IFIH1: variants seen among roughly 807,000 people sequenced by gnomAD.
IFIH1 encodes interferon-induced helicase C domain-containing protein 1.
A neutral mutation model predicts 107.4 loss-of-function variants in IFIH1; 125 were observed. The ratio of observed to expected loss-of-function variants is 1.16; its 90% CI spans 1.01 to 1.35. The LOEUF (loss-of-function observed/expected upper bound fraction) is 1.35, where lower values mean the gene tolerates loss of function less well. IFIH1 is among the 40% of genes most tolerant of loss of function. The pLI, the probability that IFIH1 is intolerant of heterozygous loss-of-function variation, is 0.00. For missense variants in IFIH1, 1,333 were observed against 1,213.7 expected (o/e 1.10, Z -1.46); for synonymous variants, 458 against 413.2 (o/e 1.11, Z -1.31).
At chr2:162,276,586 C>T (rs2105196284) in intron 11 of IFIH1, 101 bp downstream of exon 11, 1 of 1,291,856 alleles carries the variant, frequency 7.7e-7, no homozygotes, top group Non-Finnish European at 1.1e-6. Context: ...GCCTGAGTGA[C>T]AGAGCGAGGC....
In IFIH1 at chr2:162,267,286, T is replaced by G; in HGVS notation, c.2992A>C (p.Lys998Gln). Residue 998 changes from lysine (K) to glutamine (Q), a missense_variant, in exon 16 of 16, where the codon AAA (lysine) becomes CAA (glutamine). Coordinates refer to ENST00000649979, the MANE Select transcript of IFIH1 (RefSeq NM_022168.4). ...VVVFKNNSTK[K>Q]QYKKWVELPI... is the part of the protein sequence containing the mutation. ...AATTCTACCCACTTTTTGTATTGTT[T>G]CTTTGTTGAATTATTTTTGAAAACC... The G allele has an allele frequency of 6.2e-7, 1 of 1,612,454 alleles. No individual in the cohort carries two copies. The highest frequency in any genetic ancestry group is 8.5e-7 in the Non-Finnish European group (1 of 1,179,532).
intron 5 of IFIH1, among the ~76,000 whole-genome samples, chr2:162,284,364 AC>A (rs1325923467): frequency 1.1e-4 from 17 of 151,996 alleles, no homozygotes; most frequent in Non-Finnish European, 1.9e-4. Flanking sequence ...TGTACCTTGG[AC>A]AAGGTCTCAA....
At position 162,306,769 on chromosome 2, in the gene IFIH1, C is replaced by A; in HGVS notation, c.709G>T (p.Val237Phe). 1.9e-6 allele frequency: 3 copies of A among 1,613,938 alleles called. No individual in the cohort carries two copies. Among genetic ancestry groups the A allele is most frequent in the South Asian group, 1.1e-5 (1 of 91,076 alleles). Reference protein sequence around the residue: ...TTVQPNLEKEVWGMENNSSES... With the variant: ...TTVQPNLEKEFWGMENNSSES... Reference sequence around the variant, plus strand: ...GATGAGTTATTCTCCATGCCCCAGACCTCCTTCTCCAGATTTGGCTGAACT... The same window carrying A: ...GATGAGTTATTCTCCATGCCCCAGAACTCCTTCTCCAGATTTGGCTGAACT... Residue 237 changes from valine to phenylalanine, a missense_variant, in exon 3 of 16, where the codon GTC becomes TTC. Val to Phe is a conservative substitution (Grantham distance 50). Transcript: ENST00000649979.
rs1195612197 is a variant in IFIH1, at chr2:162,276,823, A to G, written c.2168T>C (p.Ile723Thr). ...TRTEESARGI[I>T]FTKTRQSAYA... ...TGCACTCTGTCGTGTTTTTGTAAAG[A>G]TTATTCCTCGTGCTGATTCCTCAGT... Residue 723 changes from isoleucine to threonine, a missense_variant, in exon 11 of 16, where the codon ATC becomes ACC. Coordinates refer to ENST00000649979, the MANE Select transcript of IFIH1 (RefSeq NM_022168.4). The G allele has an allele frequency of 6.2e-7, 1 of 1,613,876 alleles. No individual in the cohort carries two copies. Among genetic ancestry groups the G allele is most frequent in the Non-Finnish European group, 8.5e-7 (1 of 1,179,924 alleles).
intron 3 of IFIH1, among the ~76,000 whole-genome samples, chr2:162,295,787 A>G (rs1021577121): frequency 2.0e-5 from 3 of 151,960 alleles, no homozygotes; most frequent in Non-Finnish European, 4.4e-5. Flanking sequence ...CGAATGTGGG[A>G]TAGAACTGTC....
intron 11 of IFIH1, among the ~76,000 whole-genome samples, chr2:162,276,173 C>T (rs1159064721): frequency 6.6e-6 from 1 of 152,116 alleles, no homozygotes; most frequent in African/African-American, 2.4e-5. Flanking sequence ...CTCTCAAAAA[C>T]CACAGATTTG....
Position 162,277,338 on chromosome 2 carries a change from G to A in IFIH1, c.2044+77C>T, listed in dbSNP as rs562686673. On this transcript the variant is annotated intron_variant, in intron 10 of 15. Transcript: ENST00000649979. ...CTTTCAAAAGATATTTCTCTTTTTG[G>A]AGAGCTTATGAGAAGCAGTAAGTTC... 5.1e-5 allele frequency: 51 copies of A among 1,004,886 alleles called. 1 individual carries two copies. The South Asian group carries it at 8.2e-4, about 16-fold the overall frequency. 62.2% of individuals were successfully genotyped at this position (1,004,886 alleles called of 1,614,324 possible). A position where few individuals can be genotyped will look rare whatever the true frequency, so the allele number is the denominator to read the frequency against.
chr2:162,310,479 TG>T, intron 2 of IFIH1: 2 of 490,714 alleles, frequency 4.1e-6, no homozygotes, highest in East Asian at 6.4e-5. Flanking sequence ...GTATATTTAA[TG>T]TTACATAATC....
At position 162,276,686 on chromosome 2, in the gene IFIH1, C is replaced by A. The variant is rs762865950; in HGVS notation, c.2304+1G>T. ...GAAGTCGTCCAAAAGGATATTTATA[C>A]CTGTGTCATGGGTTTGAACTCACTG... On this transcript the variant is annotated splice_donor_variant, in intron 11 of 15. Coordinates refer to ENST00000649979, the MANE Select transcript of IFIH1 (RefSeq NM_022168.4). LOFTEE classifies it high-confidence loss of function. 3 of 1,606,092 alleles carry A rather than the reference C, an allele frequency of 1.9e-6. No homozygotes were observed. Among genetic ancestry groups the A allele is most frequent in the South Asian group, 1.1e-5 (1 of 89,486 alleles).
intron 1 of IFIH1, among the ~76,000 whole-genome samples, chr2:162,314,724 G>A (rs963258897): frequency 6.6e-6 from 1 of 151,804 alleles, no homozygotes; most frequent in Admixed American, 6.6e-5. Context: ...TCCTGACCTC[G>A]AGAGCCACCC....
Position 162,281,378 on chromosome 2 carries a change from C to T in IFIH1, c.1474G>A (p.Gly492Ser). 2 of 1,612,714 alleles carry T rather than the reference C, an allele frequency of 1.2e-6. No homozygotes were observed. Among genetic ancestry groups the T allele is most frequent in the Non-Finnish European group, 1.7e-6 (2 of 1,179,132 alleles). Residue 492 changes from glycine to serine, a missense_variant, in exon 7 of 16, where the codon GGT (glycine) becomes AGT (serine). By Grantham distance (56) the Gly-to-Ser change is moderately conservative (BLOSUM62 0). Transcript: ENST00000649979. ...GCTTGCTTCGTGGCCCCTCCAACAC[C>T]AGGTGAAGCTGTTAGTCCCAGTATC... Reference protein sequence around the residue: ...PQILGLTASPGVGGATKQAKA... With the variant: ...PQILGLTASPSVGGATKQAKA...
At chr2:162,277,740 C>T (rs767136509) in intron 9 of IFIH1, 47 bp from the exon 10 acceptor site, 2 of 1,545,178 alleles carry the variant, frequency 1.3e-6, no homozygotes, top group East Asian at 2.3e-5. Flanking sequence ...CATATAAACC[C>T]CCTAAAATTG....
At chr2:162,285,509 G>A (rs1387108449) in intron 5 of IFIH1, among the ~76,000 whole-genome samples, 2 of 151,850 alleles carry the variant, frequency 1.3e-5, no homozygotes, top group Non-Finnish European at 2.9e-5. Context: ...TCAAAAAGAT[G>A]GTATAGTAAA....
chr2:162,299,350 T>C (rs1683151922), intron 3 of IFIH1, among the ~76,000 whole-genome samples: 1 of 152,182 alleles, frequency 6.6e-6, no homozygotes, highest in Non-Finnish European at 1.5e-5. Flanking sequence ...GTAAGCACTT[T>C]TCAGGAAAGG....
Position 162,268,191 on chromosome 2 carries a change from T to C in IFIH1, c.2703A>G (p.Ser901=). 6.2e-7 allele frequency: 1 copy of C among 1,612,674 alleles called. No individual in the cohort carries two copies. Among genetic ancestry groups the C allele is most frequent in the Non-Finnish European group, 8.5e-7 (1 of 1,178,730 alleles). Residue 901 remains serine (S), a synonymous_variant, in exon 14 of 16, where the codon TCA becomes TCG. Transcript: ENST00000649979. ...NIAKHYKNNP[S]LITFLCKNCS... ...AGTTTTTGCAAAGGAAAGTTATTAG[T>C]GATGGGTTATTCTTGTAATGCTTGG...
intron 5 of IFIH1, among the ~76,000 whole-genome samples, chr2:162,285,776 G>A (rs1472452142): frequency 2.0e-5 from 3 of 151,990 alleles, no homozygotes; most frequent in Admixed American, 1.3e-4. Flanking sequence ...GAATATTATA[G>A]AAAGGAAGAT....
chr2:162,300,456 A>G (rs1426928246), intron 3 of IFIH1, among the ~76,000 whole-genome samples: 1 of 152,192 alleles, frequency 6.6e-6, no homozygotes, highest in Non-Finnish European at 1.5e-5. Flanking sequence ...TTCCTGAGGT[A>G]TGAATGGTAA....
At position 162,272,343 on chromosome 2, in the gene IFIH1, A is replaced by C. The variant is rs1373672819; in HGVS notation, c.2499T>G (p.Val833=). Residue 833 remains valine (V), a synonymous_variant, in exon 13 of 16, where the codon GTT becomes GTG. Coordinates refer to ENST00000649979, the MANE Select transcript of IFIH1 (RefSeq NM_022168.4). ...ARADESTYVL[V]AHSGSGVIEH... is the part of the protein sequence containing the mutation. ...CGATAACTCCTGAACCACTGTGAGC[A>C]ACCAGGACGTAGGTGCTCTCATCAG... 1.2e-6 allele frequency: 2 copies of C among 1,613,594 alleles called. No individual in the cohort carries two copies. The highest frequency in any genetic ancestry group is 4.5e-5 in the East Asian group (2 of 44,852).
chr2:162,286,055 T>C (rs1007977683), intron 5 of IFIH1, among the ~76,000 whole-genome samples: 1 of 151,952 alleles, frequency 6.6e-6, no homozygotes, highest in African/African-American at 2.4e-5. Flanking sequence ...ATCTTATCTG[T>C]AGTATTTTGC....
Sources: allele counts gnomAD v4.1 joint callset (sites outside exome capture counted in the v4.1 genomes callset), GRCh38; gene constraint gnomAD v4.1.1; transcripts MANE v1.5; gene names NCBI Gene and HGNC (gene_info 2026-07-23, HGNC 2026-07-21).